IL1RAPL1: variants seen among roughly 807,000 people sequenced by gnomAD.
IL1RAPL1 encodes interleukin-1 receptor accessory protein-like 1.
In IL1RAPL1, 3 loss-of-function variants were observed where a neutral mutation model predicts 48.4. The ratio of observed to expected loss-of-function variants is 0.06; its 90% confidence interval spans 0.03 to 0.16. The LOEUF (loss-of-function observed/expected upper bound fraction) is 0.16. Ranked by LOEUF, IL1RAPL1 falls within the 10% of genes least tolerant of loss-of-function variation. The pLI, the probability that IL1RAPL1 is intolerant of heterozygous loss-of-function variation, is 1.00. For missense variants in IL1RAPL1, 349 were observed against 530.6 expected (o/e 0.66, Z 3.36); for synonymous variants, 185 against 187.7 (o/e 0.99, Z 0.12).
chrX:28,828,051 T>C (rs1168918649), intron 2 of IL1RAPL1, among the ~76,000 whole-genome samples: 1 of 112,047 alleles, frequency 8.9e-6, no homozygotes, highest in African/African-American at 3.2e-5. Context: ...GTACATTTAG[T>C]AATACTCATC....
intron 3 of IL1RAPL1, among the ~76,000 whole-genome samples, chrX:29,365,045 C>T (rs773776680): frequency 1.8e-5 from 2 of 112,202 alleles, no homozygotes; most frequent in East Asian, 5.6e-4. Context: ...TATATTAATA[C>T]ATATTTTCAA....
chrX:29,252,305 G>T (rs933846864), intron 2 of IL1RAPL1, among the ~76,000 whole-genome samples: 2 of 113,060 alleles, frequency 1.8e-5, no homozygotes, highest in African/African-American at 6.5e-5. Flanking sequence ...GAAAATCAGG[G>T]CCATAGAGAA....
intron 6 of IL1RAPL1, among the ~76,000 whole-genome samples, chrX:29,823,442 C>T (rs889532326): frequency 1.8e-5 from 2 of 111,866 alleles, no homozygotes; most frequent in African/African-American, 6.5e-5. Flanking sequence ...GGAAATCAGG[C>T]ATCCAAAAGT....
intron 1 of IL1RAPL1, among the ~76,000 whole-genome samples, chrX:28,638,294 T>G (rs1331918591): frequency 1.8e-5 from 2 of 111,516 alleles, no homozygotes; most frequent in Non-Finnish European, 3.8e-5. Flanking sequence ...GAGTTATAAT[T>G]AATCCTCATA....
At chrX:29,487,048 C>G (rs972567291) in intron 5 of IL1RAPL1, among the ~76,000 whole-genome samples, 1 of 73,346 alleles carries the variant, frequency 1.4e-5, no homozygotes, top group South Asian at 8.8e-4. Flanking sequence ...TTTTGAGTAG[C>G]GAGGGGCTAA....
chrX:29,315,467 A>C (rs1254187890), intron 3 of IL1RAPL1, among the ~76,000 whole-genome samples: 2 of 111,550 alleles, frequency 1.8e-5, no homozygotes, highest in Non-Finnish European at 3.8e-5. Flanking sequence ...CGAAGATTCC[A>C]ATTTAATTGA....
At chrX:29,314,810 A>T (rs1932762536) in intron 3 of IL1RAPL1, among the ~76,000 whole-genome samples, 1 of 112,299 alleles carries the variant, frequency 8.9e-6, no homozygotes, top group Non-Finnish European at 1.9e-5. Flanking sequence ...GTTACTCTTA[A>T]AGTATCAACT....
chrX:28,691,055 G>A (rs1389536547), intron 1 of IL1RAPL1, among the ~76,000 whole-genome samples: 1 of 111,270 alleles, frequency 9.0e-6, no homozygotes, highest in Non-Finnish European at 1.9e-5. Context: ...TTCAGTGAAC[G>A]AAGGTCGTGA....
intron 2 of IL1RAPL1, among the ~76,000 whole-genome samples, chrX:28,832,483 G>T (rs1299980128): frequency 5.4e-5 from 6 of 110,903 alleles, no homozygotes; most frequent in African/African-American, 2.0e-4. Context: ...CCTGAAAACT[G>T]TTTCTTTCCA....
At chrX:29,953,567 GAACA>G (rs955364727) in intron 9 of IL1RAPL1, among the ~76,000 whole-genome samples, 13 of 111,852 alleles carry the variant, frequency 1.2e-4, no homozygotes, top group African/African-American at 4.2e-4. Flanking sequence ...TGATTCTTAT[GAACA>G]AACTGATTAG....
chrX:28,797,988 G>A (rs1039697844), intron 2 of IL1RAPL1, among the ~76,000 whole-genome samples: 3 of 111,671 alleles, frequency 2.7e-5, no homozygotes, highest in Non-Finnish European at 5.6e-5. Context: ...CAGGCAAAAA[G>A]AGAGCTTGTG....
At position 29,235,157 on chromosome X, in the gene IL1RAPL1, G is replaced by A. The variant is rs142370424; in HGVS notation, c.83-47781G>A. Among the ~76,000 whole-genome samples the A allele has an allele frequency of 1.6e-4, 18 of 112,067 alleles. No homozygotes were observed. In the East Asian group the frequency reaches 2.2e-3, roughly 14 times the overall value. On this transcript the variant is annotated intron_variant, in intron 2 of 10. Transcript: ENST00000378993. The stretch of plus-strand genomic sequence containing the variant: ...ATAGTTCTCGAGTTTGTATTGAGTC[G>A]ATCCCTGCATTAGTCAGTCACATTG...
chrX:29,330,848 T>C (rs1025090860), intron 3 of IL1RAPL1, among the ~76,000 whole-genome samples: 1 of 111,704 alleles, frequency 9.0e-6, no homozygotes, highest in African/African-American at 3.3e-5. Context: ...GAAATACATT[T>C]GTGAGTGAAA....
In IL1RAPL1 at chrX:29,829,807, A is replaced by T. The variant is rs185334025; in HGVS notation, c.779-87657A>T. On this transcript the variant is annotated intron_variant, in intron 6 of 10. Coordinates refer to ENST00000378993, the MANE Select transcript of IL1RAPL1 (RefSeq NM_014271.4). ...TTTGATTGATAGTGTCTACTGCTTA[A>T]TCTGAGAATAACATACCTTGCTATA... 1.1e-4 allele frequency among the ~76,000 whole-genome samples: 12 copies of T among 112,236 alleles called. No individual in the cohort carries two copies. The East Asian group carries it at 3.3e-3, about 31-fold the overall frequency.
At chrX:28,775,665 A>C (rs1936355573) in intron 1 of IL1RAPL1, among the ~76,000 whole-genome samples, 2 of 112,687 alleles carry the variant, frequency 1.8e-5, no homozygotes, top group South Asian at 7.2e-4. Context: ...CAAAATACTT[A>C]CTCTGTTAAT....
At chrX:29,809,839 CT>C (rs1292237939) in intron 6 of IL1RAPL1, among the ~76,000 whole-genome samples, 1 of 108,889 alleles carries the variant, frequency 9.2e-6, no homozygotes, top group Non-Finnish European at 1.9e-5. Context: ...TTCCTTCTGC[CT>C]AAAAAGTAAT....
rs192730011 is a variant in IL1RAPL1, at chrX:29,446,941, G to T, written c.703+47633G>T. Reference sequence around the variant, plus strand: ...ATTAAATATTCATCAGTGTATTACTGAATTTTTAATTATATATAGTTTAAA... The same window carrying T: ...ATTAAATATTCATCAGTGTATTACTTAATTTTTAATTATATATAGTTTAAA... On this transcript the variant is annotated intron_variant, in intron 5 of 10. Transcript: ENST00000378993. Among the ~76,000 whole-genome samples the T allele has an allele frequency of 5.4e-3, 596 of 111,231 alleles. 2 individuals are homozygous for T. The highest frequency in any genetic ancestry group is 9.1e-3 in the Non-Finnish European group (481 of 52,904).
intron 2 of IL1RAPL1, among the ~76,000 whole-genome samples, chrX:28,806,144 T>C (rs749250030): frequency 8.9e-5 from 10 of 112,001 alleles, no homozygotes; most frequent in Non-Finnish European, 1.5e-4. Context: ...TAATTTTAAC[T>C]TACATGAAAT....
intron 2 of IL1RAPL1, among the ~76,000 whole-genome samples, chrX:29,001,970 C>A (rs1355944835): frequency 1.9e-5 from 2 of 105,909 alleles, no homozygotes; most frequent in Non-Finnish European, 3.9e-5. Flanking sequence ...GATCTCAGCT[C>A]ACTGCAACCT....
Sources: gnomAD v4.1 joint callset for allele counts (sites outside exome capture counted in the v4.1 genomes callset) on GRCh38, gnomAD v4.1.1 for gene constraint, MANE v1.5 for transcripts, NCBI Gene and HGNC (gene_info 2026-07-23, HGNC 2026-07-21) for gene names.